The following SHISA9 variants were observed in gnomAD, a reference collection of about 807,000 sequenced individuals.
SHISA9 encodes the protein shisa family member 9.
A neutral mutation model predicts 38.0 loss-of-function variants in SHISA9; 13 were observed. The ratio of observed to expected loss-of-function variants is 0.34; its 90% CI spans 0.22 to 0.54. The LOEUF (loss-of-function observed/expected upper bound fraction) is 0.54. SHISA9 is among the 20% of genes least tolerant of loss of function. SHISA9 has a pLI of 0.91. For synonymous variants in SHISA9, 275 were observed against 242.0 expected (o/e 1.14, Z -1.27); for missense variants, 538 against 575.8 (o/e 0.93, Z 0.67).
At chr16:12,923,455 G>A (rs577700835) in intron 2 of SHISA9, among the ~76,000 whole-genome samples, 5 of 152,184 alleles carry the variant, frequency 3.3e-5, no homozygotes, top group Admixed American at 3.3e-4. Flanking sequence ...TTGAACCTGG[G>A]AGGCAGAGGC....
At chr16:13,118,893 C>G (rs958737986) in intron 2 of SHISA9, among the ~76,000 whole-genome samples, 5 of 152,014 alleles carry the variant, frequency 3.3e-5, no homozygotes, top group Non-Finnish European at 7.4e-5. Context: ...CCATGCCCAG[C>G]TAATTTTTTT....
At chr16:13,437,539 C>T in the SHISA9 span, among the ~76,000 whole-genome samples, 1 of 152,166 alleles carries the variant, frequency 6.6e-6, no homozygotes, top group Non-Finnish European at 1.5e-5. Flanking sequence ...CCGGATGAGA[C>T]CCAGCCTGGC....
At chr16:13,306,147 A>G in the SHISA9 span, among the ~76,000 whole-genome samples, 1 of 152,224 alleles carries the variant, frequency 6.6e-6, no homozygotes, top group African/African-American at 2.4e-5. Context: ...TTTTTGAATG[A>G]ATGAATACTC....
the SHISA9 span, among the ~76,000 whole-genome samples, chr16:13,429,849 G>A: frequency 1.2e-4 from 19 of 152,298 alleles, no homozygotes; most frequent in East Asian, 1.9e-4. Context: ...AAACAATAGC[G>A]ACAATGTCCT....
At chr16:13,155,993 G>A (rs546536210) in intron 2 of SHISA9, among the ~76,000 whole-genome samples, 2 of 152,332 alleles carry the variant, frequency 1.3e-5, no homozygotes, top group East Asian at 3.9e-4. Flanking sequence ...ATTTAAGTGA[G>A]TGGGGTGGTG....
At chr16:13,012,731 A>G (rs1408241020) in intron 2 of SHISA9, among the ~76,000 whole-genome samples, 2 of 152,134 alleles carry the variant, frequency 1.3e-5, no homozygotes, top group African/African-American at 4.8e-5. Flanking sequence ...AATTTCCTCA[A>G]TGCTTTTGTA....
At chr16:13,555,807 T>C in the SHISA9 span, among the ~76,000 whole-genome samples, 168 of 152,000 alleles carry the variant, frequency 1.1e-3, no homozygotes, top group Non-Finnish European at 2.0e-3. Context: ...AGGTATTTTG[T>C]ATTTACAGGT....
rs10711130 is a variant in SHISA9, at chr16:13,159,058, CAAAA to C, written c.692-44325_692-44322del. ...CTGGTGACAGAGCGAGACTCTGTCT[CAAAA>C]AAAAAAAAAACAAAACCAAAAACAA... On this transcript the variant is annotated intron_variant, in intron 2 of 4. Transcript: ENST00000558583. Among the ~76,000 whole-genome samples, 628 of 123,588 alleles carry C rather than the reference CAAAA, an allele frequency of 5.1e-3. 3 individuals carry two copies. Among genetic ancestry groups the C allele is most frequent in the Middle Eastern group, 0.047 (12 of 258 alleles). The allele number at this position is 123,588 out of a possible 152,430, so 81.1% of individuals were successfully genotyped here.
rs5815731 is a variant in SHISA9 at position 12,955,633 on chromosome 16, T to TAA, written c.691+38831_691+38832dup. Among the ~76,000 whole-genome samples the TAA allele has an allele frequency of 8.6e-3, 1,206 of 139,514 alleles. 5 individuals are homozygous for TAA. Among genetic ancestry groups the TAA allele is most frequent in the Non-Finnish European group, 0.011 (690 of 64,464 alleles). 91.5% of individuals were successfully genotyped at this position (139,514 alleles called of 152,430 possible). A position where few individuals can be genotyped will look rare whatever the true frequency, so the allele number is the denominator to read the frequency against. On this transcript the variant is annotated intron_variant, in intron 2 of 4. Coordinates refer to ENST00000558583, the MANE Select transcript of SHISA9 (RefSeq NM_001145204.3). ...TACAGTCAACTTATCTTCAACAAAGTAAAAAAAAAAAAAACAATGGGGAAA... is the reference window on the plus strand; with the variant it reads ...TACAGTCAACTTATCTTCAACAAAGTAAAAAAAAAAAAAAAACAATGGGGAAA...
the SHISA9 span, among the ~76,000 whole-genome samples, chr16:13,385,851 A>G: frequency 6.6e-6 from 1 of 152,262 alleles, no homozygotes; most frequent in African/African-American, 2.4e-5. Flanking sequence ...ACACATAACA[A>G]CTTGGATGAA....
intron 2 of SHISA9, among the ~76,000 whole-genome samples, chr16:13,001,124 C>T (rs1404192825): frequency 6.6e-6 from 1 of 152,210 alleles, no homozygotes; most frequent in African/African-American, 2.4e-5. Flanking sequence ...GACGGGGTTT[C>T]ACCATGTTGG....
At chr16:13,306,541 G>C in the SHISA9 span, among the ~76,000 whole-genome samples, 2 of 152,194 alleles carry the variant, frequency 1.3e-5, no homozygotes, top group Non-Finnish European at 2.9e-5. Context: ...TAACTGCTCA[G>C]GATCTCTCTG....
At position 13,073,950 on chromosome 16, in the gene SHISA9, G is replaced by A. The variant is rs1678271497; in HGVS notation, c.692-129444G>A. Among the ~76,000 whole-genome samples the A allele has an allele frequency of 2.7e-5, 4 of 147,614 alleles. No homozygotes were observed. In the South Asian group the frequency reaches 8.6e-4, roughly 32 times the overall value. On this transcript the variant is annotated intron_variant, in intron 2 of 4. Coordinates refer to ENST00000558583, the MANE Select transcript of SHISA9 (RefSeq NM_001145204.3). Reference sequence around the variant, plus strand: ...TCTAGAACCGTGAGAATAAATTTCTGCTGGTCGTTTTTTTTTTTGTTTTTT... The same window carrying A: ...TCTAGAACCGTGAGAATAAATTTCTACTGGTCGTTTTTTTTTTTGTTTTTT...
the SHISA9 span, among the ~76,000 whole-genome samples, chr16:13,275,899 A>G: frequency 4.6e-5 from 7 of 151,338 alleles, no homozygotes; most frequent in Admixed American, 3.3e-4. Context: ...TTCTGTTGAA[A>G]TTTTTATTTT....
chr16:13,354,554 A>C, the SHISA9 span, among the ~76,000 whole-genome samples: 1 of 150,286 alleles, frequency 6.7e-6, no homozygotes, highest in African/African-American at 2.4e-5. Context: ...AGGTATGAGA[A>C]CGAAAATAGA....
chr16:13,074,923 C>A (rs959341646), intron 2 of SHISA9, among the ~76,000 whole-genome samples: 5 of 152,182 alleles, frequency 3.3e-5, no homozygotes, highest in African/African-American at 1.2e-4. Flanking sequence ...CTCGGCCTCC[C>A]AAAGTGCTGG....
At position 13,049,162 on chromosome 16, in the gene SHISA9, G is replaced by C. The variant is rs1312053709; in HGVS notation, c.691+132347G>C. ...CTAAGCTTTGGTTAGGAGTATGTGT[G>C]TGTGTGTGTGTGTGTGTGTGTGTGT... On this transcript the variant is annotated intron_variant, in intron 2 of 4. Coordinates refer to ENST00000558583, the MANE Select transcript of SHISA9 (RefSeq NM_001145204.3). Among the ~76,000 whole-genome samples, 87 of 8,844 alleles carry C rather than the reference G, an allele frequency of 9.8e-3. 1 individual carries two copies. The highest frequency in any genetic ancestry group is 0.02 in the African/African-American group (65 of 3,178). The allele number at this position is 8,844 out of a possible 152,430, so 5.8% of individuals were successfully genotyped here.
chr16:13,269,817 G>T, the SHISA9 span, among the ~76,000 whole-genome samples: 2 of 152,134 alleles, frequency 1.3e-5, no homozygotes, highest in African/African-American at 4.8e-5. Flanking sequence ...GATATAACTT[G>T]CCCAAGGCCA....
At chr16:13,221,972 G>A (rs996063718) in intron 4 of SHISA9, among the ~76,000 whole-genome samples, 2 of 152,150 alleles carry the variant, frequency 1.3e-5, no homozygotes, top group African/African-American at 2.4e-5. Context: ...AAGGAAAGAG[G>A]TTCAATGGAC....
Sources: gnomAD v4.1 joint callset for allele counts (sites outside exome capture counted in the v4.1 genomes callset) on GRCh38, gnomAD v4.1.1 for gene constraint, MANE v1.5 for transcripts, NCBI Gene and HGNC (gene_info 2026-07-23, HGNC 2026-07-21) for gene names.